Variants in RP1 observed in about 807,000 individuals in gnomAD.
RP1 encodes the protein oxygen-regulated protein 1.
A neutral mutation model predicts 14.8 loss-of-function variants in RP1; 16 were observed. The ratio of observed to expected loss-of-function variants is 1.08; its 90% CI spans 0.73 to 1.65. RP1 has a LOEUF of 1.65. RP1 is among the 40% of genes most tolerant of loss of function. The probability of loss-of-function intolerance (pLI) is 0.00; values close to 1 mark genes in which losing one functional copy is unlikely to be tolerated. For synonymous variants in RP1, 876 were observed against 883.6 expected (o/e 0.99, Z 0.15); for missense variants, 2,631 against 2,535.0 (o/e 1.04, Z -0.81).
chr8:54,706,646 C>G (rs190177096), exon 15 of RP1: 23 of 1,535,984 alleles, frequency 1.5e-5, no homozygotes, highest in Non-Finnish European at 2.0e-5. Flanking sequence ...ATGGCCGATG[C>G]GATGGAACAG....
rs759656065 is a variant in RP1 at position 54,625,515 on chromosome 8, A to T, written c.1633A>T (p.Ile545Leu). 3 of 1,614,064 alleles carry T rather than the reference A, an allele frequency of 1.9e-6. No individual in the cohort carries two copies. Among genetic ancestry groups the T allele is most frequent in the Non-Finnish European group, 1.7e-6 (2 of 1,180,022 alleles). ...AAACAGTCTGCTTAAGTCAAGTGCA[A>T]TAAGTGCTGGTGTTATAGAAATTAC... ...KENSLLKSSA[I>L]SAGVIEITSQ... Residue 545 changes from isoleucine (I) to leucine (L), a missense_variant, in exon 4 of 4, where the codon ATA becomes TTA. By Grantham distance (5) the Ile-to-Leu change is conservative. Transcript: ENST00000220676.
chr8:54,804,143 TGG>T lies in RP1; in HGVS notation c.3615+20441_3615+20442del, dbSNP rs3077303. On this transcript the variant is annotated intron_variant, in intron 24 of 28. Transcript: ENST00000637698. ...ATAAGATAATAAATGATTACATATG[TGG>T]GGGGGGGCTAGGTTAGAGGGGTTAG... 1.3e-3 allele frequency among the ~76,000 whole-genome samples: 201 copies of T among 149,984 alleles called. 2 individuals carry two copies. In the East Asian group the frequency reaches 0.032, roughly 24 times the overall value.
At chr8:54,677,989 G>T (rs1807334376) in intron 8 of RP1, among the ~76,000 whole-genome samples, 1 of 152,112 alleles carries the variant, frequency 6.6e-6, no homozygotes, top group African/African-American at 2.4e-5. Flanking sequence ...GAGTCTATGT[G>T]CTTGGACAGG....
At position 54,627,149 on chromosome 8, in the gene RP1, C is replaced by G. The variant is rs1432028516; in HGVS notation, c.3267C>G (p.His1089Gln). The change falls in exon 4 of 4, where the codon CAC (histidine) becomes CAG (glutamine). Residue 1089 changes from histidine to glutamine, a missense_variant. Transcript: ENST00000220676. ...PKDLLPVLML[H>Q]QLQASVPGIH... is the part of the protein sequence containing the mutation. ...ACCTCTTACCAGTCCTGATGCTTCA[C>G]CAATTGCAAGCTTCAGTTCCTGGTA... 1 of 1,614,032 alleles carries G rather than the reference C, an allele frequency of 6.2e-7. No individual in the cohort carries two copies. Among genetic ancestry groups the G allele is most frequent in the Non-Finnish European group, 8.5e-7 (1 of 1,179,962 alleles).
In RP1 at chr8:54,709,864, A is replaced by G. The variant is rs370885528; in HGVS notation, c.2211+3209A>G. On this transcript the variant is annotated intron_variant, in intron 15 of 22. Coordinates refer to the RP1 transcript ENST00000636932. The stretch of plus-strand genomic sequence containing the variant: ...GGCAAACCAGAAATAACAGGTCCAT[A>G]TATGCTGGGGTGTTACTCAAAATAC... Among the ~76,000 whole-genome samples the G allele has an allele frequency of 3.3e-5, 5 of 152,296 alleles. No homozygotes were observed. The South Asian group carries it at 1.0e-3, about 32-fold the overall frequency.
intron 23 of RP1, among the ~76,000 whole-genome samples, chr8:54,780,016 C>T (rs1361536501): frequency 6.6e-6 from 1 of 151,768 alleles, no homozygotes; most frequent in Non-Finnish European, 1.5e-5. Flanking sequence ...GATTTTTTTG[C>T]GTGGAGCTTC....
intron 22 of RP1, among the ~76,000 whole-genome samples, chr8:54,760,824 C>A (rs1248854947): frequency 6.6e-6 from 1 of 152,162 alleles, no homozygotes; most frequent in Admixed American, 6.5e-5. Flanking sequence ...CCTCAAGTTC[C>A]AATTCCAATT....
chr8:54,607,735 C>T (rs1453017367), intron 1 of RP1, among the ~76,000 whole-genome samples: 5 of 152,154 alleles, frequency 3.3e-5, no homozygotes, highest in Non-Finnish European at 5.9e-5. Flanking sequence ...ACTCAAGCCT[C>T]GGCAACGGCA....
At chr8:54,661,497 T>A (rs992974520) in intron 6 of RP1, among the ~76,000 whole-genome samples, 1 of 151,688 alleles carries the variant, frequency 6.6e-6, no homozygotes, top group African/African-American at 2.4e-5. Flanking sequence ...AAGAAATCTT[T>A]AGATTCTTTA....
chr8:54,734,177 A>G (rs1004440619), intron 17 of RP1, among the ~76,000 whole-genome samples: 7 of 151,938 alleles, frequency 4.6e-5, no homozygotes, highest in African/African-American at 9.7e-5. Flanking sequence ...GTTACTTTAT[A>G]TGGTGGTAGT....
intron 25 of RP1, among the ~76,000 whole-genome samples, chr8:54,843,715 G>A (rs1367620211): frequency 6.6e-6 from 1 of 152,160 alleles, no homozygotes; most frequent in Non-Finnish European, 1.5e-5. Flanking sequence ...TGGTCGCTCT[G>A]ACTGCAGAGC....
chr8:54,693,946 G>T (rs1253539244), intron 12 of RP1, among the ~76,000 whole-genome samples: 3 of 152,128 alleles, frequency 2.0e-5, no homozygotes, highest in Admixed American at 2.0e-4. Context: ...TATGATATTG[G>T]GTGTGGGTTT....
intron 27 of RP1, chr8:54,857,149 A>G: frequency 1.1e-6 from 1 of 871,276 alleles, no homozygotes; most frequent in Non-Finnish European, 1.5e-6. Context: ...TTGCAAATTT[A>G]TGAAAAATCG....
rs762804676 is a variant in RP1, at chr8:54,625,438, A to C, written c.1556A>C (p.Gln519Pro). The C allele has an allele frequency of 6.2e-7, 1 of 1,614,042 alleles. No homozygotes were observed. The highest frequency in any genetic ancestry group is 8.5e-7 in the Non-Finnish European group (1 of 1,180,026). ...SSVSNKPVLV[Q>P]INNNDQMEES... is the part of the protein sequence containing the mutation. The stretch of plus-strand genomic sequence containing the variant: ...GTATCTAACAAACCAGTACTTGTTC[A>C]GATCAATAACAATGATCAAATGGAG... Residue 519 changes from glutamine (Q) to proline (P), a missense_variant, in exon 4 of 4, where the codon CAG becomes CCG. Coordinates refer to ENST00000220676, the MANE Select transcript of RP1 (RefSeq NM_006269.2).
intron 1 of RP1, among the ~76,000 whole-genome samples, chr8:54,608,534 A>G (rs943101090): frequency 3.3e-5 from 5 of 152,146 alleles, no homozygotes; most frequent in African/African-American, 1.2e-4. Context: ...GTTGGCTTAC[A>G]TATGTTTGTT....
intron 22 of RP1, among the ~76,000 whole-genome samples, chr8:54,766,082 T>C (rs1809754026): frequency 6.6e-6 from 1 of 152,118 alleles, no homozygotes; most frequent in Non-Finnish European, 1.5e-5. Flanking sequence ...GGAAGAAACC[T>C]TAGAGGTCAC....
At chr8:54,752,408 T>A (rs1375334303) in intron 19 of RP1, among the ~76,000 whole-genome samples, 1 of 152,206 alleles carries the variant, frequency 6.6e-6, no homozygotes, top group Non-Finnish European at 1.5e-5. Flanking sequence ...CAGGACCACC[T>A]CCTTCCACCA....
intron 24 of RP1, among the ~76,000 whole-genome samples, chr8:54,817,252 T>C (rs919996502): frequency 6.6e-6 from 1 of 152,168 alleles, no homozygotes; most frequent in Non-Finnish European, 1.5e-5. Context: ...TAAATGTTTT[T>C]AGATGACTGA....
chr8:54,802,773 G>C (rs1810744348), intron 24 of RP1, among the ~76,000 whole-genome samples: 1 of 152,192 alleles, frequency 6.6e-6, no homozygotes, highest in East Asian at 1.9e-4. Context: ...CAAGATGCCA[G>C]AAGTGTTATG....
Sources: allele counts gnomAD v4.1 joint callset (sites outside exome capture counted in the v4.1 genomes callset), GRCh38; gene constraint gnomAD v4.1.1; transcripts MANE v1.5; gene names NCBI Gene and HGNC (gene_info 2026-07-23, HGNC 2026-07-21).